The following PHLPP2 variants were observed in gnomAD, a reference collection of about 807,000 sequenced individuals.
PHLPP2 encodes the protein PH domain leucine-rich repeat-containing protein phosphatase 2.
A neutral mutation model predicts 124.9 loss-of-function variants in PHLPP2; 66 were observed. The observed-to-expected ratio is 0.53, with a 90% CI of 0.43 to 0.65. The LOEUF (loss-of-function observed/expected upper bound fraction) is 0.65, where lower values mean the gene tolerates loss of function less well. PHLPP2 is among the 30% of genes least tolerant of loss of function. The probability of loss-of-function intolerance (pLI) is 0.00; values close to 1 mark genes in which losing one functional copy is unlikely to be tolerated. For missense variants in PHLPP2, 1,685 were observed against 1,600.4 expected (o/e 1.05, Z -0.90); for synonymous variants, 681 against 624.7 (o/e 1.09, Z -1.34).
At chr16:71,698,509 G>C in intron 3 of PHLPP2, 2 of 737,512 alleles carry the variant, frequency 2.7e-6, no homozygotes, top group South Asian at 2.7e-5. Context: ...TCGCATACCT[G>C]TTTGGAGCCT....
chr16:71,655,779 C>T (rs1289024197), intron 16 of PHLPP2, among the ~76,000 whole-genome samples: 6 of 151,906 alleles, frequency 3.9e-5, no homozygotes, highest in African/African-American at 9.7e-5. Context: ...TGTGAGCCAC[C>T]GCGCCTGGCC....
intron 8 of PHLPP2, chr16:71,677,647 TCTTA>T (rs2044960053): frequency 6.6e-6 from 1 of 151,104 alleles, no homozygotes; most frequent in African/African-American, 2.4e-5. Flanking sequence ...AAAAAAACTC[TCTTA>T]CTGTCTTTAC....
At chr16:71,671,381 T>C (rs1306538936) in intron 10 of PHLPP2, among the ~76,000 whole-genome samples, 4 of 152,048 alleles carry the variant, frequency 2.6e-5, no homozygotes. Context: ...CCCTGCCCAC[T>C]GCCCCTTTGA....
At chr16:71,684,626 CA>C in intron 4 of PHLPP2, 25 bp from the exon 5 acceptor site, 6 of 1,570,412 alleles carry the variant, frequency 3.8e-6, no homozygotes, top group Non-Finnish European at 5.2e-6. Flanking sequence ...GGGAGAAAAC[CA>C]GAACCACTAA....
Position 71,646,981 on chromosome 16 carries a change from A to C in PHLPP2, c.*1909T>G, listed in dbSNP as rs1432022201. On this transcript the variant is annotated 3_prime_UTR_variant, in exon 19 of 19. Transcript: ENST00000568954. ...TGAGCATGGGGCCTCTGAGAAGATG[A>C]AGACACATAATTATTATGGACAGGT... is the stretch of plus-strand genomic sequence containing the variant. 6.6e-6 allele frequency: 1 copy of C among 152,604 alleles called. No individual in the cohort carries two copies. The highest frequency in any genetic ancestry group is 1.5e-5 in the Non-Finnish European group (1 of 68,036). The allele number at this position is 152,604 out of a possible 1,614,324, so 9.5% of individuals were successfully genotyped here. A position where few individuals can be genotyped will look rare whatever the true frequency, so the allele number is the denominator to read the frequency against.
At chr16:71,678,560 A>C (rs2044968403) in intron 8 of PHLPP2, 195 bp downstream of exon 8, 4 of 546,014 alleles carry the variant, frequency 7.3e-6, no homozygotes, top group Admixed American at 6.6e-5. Flanking sequence ...GAATCGCCTG[A>C]GAACGGGAGG....
At chr16:71,692,348 T>C (rs1313037741) in intron 3 of PHLPP2, among the ~76,000 whole-genome samples, 1 of 152,116 alleles carries the variant, frequency 6.6e-6, no homozygotes, top group African/African-American at 2.4e-5. Flanking sequence ...GGATTACAAG[T>C]GTGAGCCACC....
chr16:71,683,541 T>C (rs1040013646), intron 5 of PHLPP2, among the ~76,000 whole-genome samples: 3 of 152,216 alleles, frequency 2.0e-5, no homozygotes. Flanking sequence ...AATCTCATTG[T>C]ATCTCAATTC....
At chr16:71,695,116 A>G (rs1479555986) in intron 3 of PHLPP2, among the ~76,000 whole-genome samples, 6 of 152,126 alleles carry the variant, frequency 3.9e-5, no homozygotes, top group Non-Finnish European at 8.8e-5. Flanking sequence ...AGATTAGTAA[A>G]TATTTTAAAG....
At chr16:71,680,406 A>C (rs2087709930) in intron 6 of PHLPP2, among the ~76,000 whole-genome samples, 1 of 152,232 alleles carries the variant, frequency 6.6e-6, no homozygotes, top group Admixed American at 6.5e-5. Context: ...CCTGATACAC[A>C]ACACAAAATA....
At chr16:71,722,490 A>T (rs2045404763) in intron 1 of PHLPP2, among the ~76,000 whole-genome samples, 1 of 152,172 alleles carries the variant, frequency 6.6e-6, no homozygotes, top group Non-Finnish European at 1.5e-5. Context: ...TATATTTTAC[A>T]GAGTTCTAGT....
intron 3 of PHLPP2, among the ~76,000 whole-genome samples, chr16:71,701,341 TA>T (rs1347899860): frequency 0.15 from 19 of 130 alleles, no homozygotes; most frequent in Admixed American, 0.47. Context: ...CCTACCTACC[TA>T]CTACCTACGT....
Position 71,658,794 on chromosome 16 carries a change from T to C in PHLPP2, c.2007A>G (p.Gln669=). 1 of 1,614,116 alleles carries C rather than the reference T, an allele frequency of 6.2e-7. No homozygotes were observed. The highest frequency in any genetic ancestry group is 1.6e-4 in the Middle Eastern group (1 of 6,062). The change falls in exon 14 of 19, where the codon CAA becomes CAG. Residue 669 remains glutamine (Q), a synonymous_variant. Coordinates refer to ENST00000568954, the MANE Select transcript of PHLPP2 (RefSeq NM_015020.3). ...FPASKLNKLE[Q]LEELNLSGNK... ...TGCCACTTAGGTTCAGTTCCTCCAATTGCTCCAATTTATTTAGTTTGCTGA... is the reference window on the plus strand; with the variant it reads ...TGCCACTTAGGTTCAGTTCCTCCAACTGCTCCAATTTATTTAGTTTGCTGA...
intron 9 of PHLPP2, among the ~76,000 whole-genome samples, chr16:71,674,379 A>G (rs904826269): frequency 1.5e-5 from 2 of 135,338 alleles, no homozygotes; most frequent in African/African-American, 5.4e-5. Flanking sequence ...TGCCAGGCCC[A>G]GACTTTTTTT....
At chr16:71,703,784 T>C (rs1034360795) in intron 2 of PHLPP2, among the ~76,000 whole-genome samples, 8 of 152,212 alleles carry the variant, frequency 5.3e-5, no homozygotes, top group Non-Finnish European at 8.8e-5. Context: ...AATTTATTTA[T>C]TTACTTTCAA....
chr16:71,680,707 A>C (rs1258013583), intron 6 of PHLPP2, among the ~76,000 whole-genome samples: 1 of 152,192 alleles, frequency 6.6e-6, no homozygotes, highest in East Asian at 1.9e-4. Flanking sequence ...ACCTCACTGT[A>C]ACGCTTCTCT....
intron 3 of PHLPP2, among the ~76,000 whole-genome samples, chr16:71,702,216 G>T (rs543042648): frequency 6.6e-6 from 1 of 151,924 alleles, no homozygotes; most frequent in Non-Finnish European, 1.5e-5. Flanking sequence ...ACTCATCAAC[G>T]TCAAGTCATA....
intron 6 of PHLPP2, 45 bp downstream of exon 6, chr16:71,681,706 G>A (rs1033491136): frequency 2.7e-6 from 4 of 1,479,346 alleles, no homozygotes; most frequent in South Asian, 2.6e-5. Flanking sequence ...TACTGATTAT[G>A]AGTTGGTTTT....
intron 12 of PHLPP2, among the ~76,000 whole-genome samples, chr16:71,664,467 G>C (rs2044821127): frequency 6.6e-6 from 1 of 152,118 alleles, no homozygotes; most frequent in South Asian, 2.1e-4. Flanking sequence ...CTTTTGTCTG[G>C]GCCAGGCGCA....
Sources: allele counts gnomAD v4.1 joint callset (sites outside exome capture counted in the v4.1 genomes callset), GRCh38; gene constraint gnomAD v4.1.1; transcripts MANE v1.5; gene names NCBI Gene and HGNC (gene_info 2026-07-23, HGNC 2026-07-21).